EPHA2: variants seen among roughly 807,000 people sequenced by gnomAD.
EPHA2 encodes the protein ephrin type-A receptor 2.
A neutral mutation model predicts 104.9 loss-of-function variants in EPHA2; 54 were observed. The observed-to-expected ratio is 0.51, with a 90% CI of 0.41 to 0.65. EPHA2 has a LOEUF of 0.65. EPHA2 is among the 30% of genes least tolerant of loss of function. The probability of loss-of-function intolerance (pLI) is 0.00; values close to 1 mark genes in which losing one functional copy is unlikely to be tolerated. For missense variants in EPHA2, 1,117 were observed against 1,369.5 expected (o/e 0.82, Z 2.91); for synonymous variants, 560 against 559.1 (o/e 1.00, Z -0.02).
chr1:16,137,862 T>A lies in EPHA2; in HGVS notation c.1303A>T (p.Asn435Tyr). 6.2e-7 allele frequency: 1 copy of A among 1,613,776 alleles called. No individual in the cohort carries two copies. Among genetic ancestry groups the A allele is most frequent in the African/African-American group, 1.3e-5 (1 of 75,072 alleles). ...RSFRTASVSI[N>Y]QTEPPKVRLE... ...CACCCCTGGACCTCACCTGTCTGGT[T>A]GATGCTGACACTGGCAGTACGGAAG... The change falls in exon 5 of 17, where the codon AAC (asparagine) becomes TAC (tyrosine). Residue 435 changes from asparagine to tyrosine, a missense_variant. Physicochemically the swap from Asn to Tyr is moderately radical, Grantham distance 143. Coordinates refer to ENST00000358432, the MANE Select transcript of EPHA2 (RefSeq NM_004431.5).
At position 16,150,343 on chromosome 1, in the gene EPHA2, C is replaced by T. The variant is rs1028586439; in HGVS notation, c.153+553G>A. Among the ~76,000 whole-genome samples, 1 of 152,200 alleles carries T rather than the reference C, an allele frequency of 6.6e-6. No individual in the cohort carries two copies. The highest frequency in any genetic ancestry group is 1.5e-5 in the Non-Finnish European group (1 of 68,030). On this transcript the variant is annotated intron_variant, in intron 2 of 16. Coordinates refer to ENST00000358432, the MANE Select transcript of EPHA2 (RefSeq NM_004431.5). The surrounding 1 kb of genome is among the most constrained non-coding windows in gnomAD (Gnocchi z 4.8). ...GGGAAGAACCCCCAGCCCCTGCCCC[C>T]ATTCCTGGTCACATCAGGACGGCAT...
intron 3 of EPHA2, among the ~76,000 whole-genome samples, chr1:16,143,684 G>A (rs2024870343): frequency 6.6e-6 from 1 of 152,150 alleles, no homozygotes; most frequent in Non-Finnish European, 1.5e-5. Context: ...CAATGGCAAG[G>A]TTGTGAGGTC....
intron 1 of EPHA2, chr1:16,155,420 G>T (rs1423189328): frequency 2.0e-5 from 3 of 150,576 alleles, no homozygotes; most frequent in Admixed American, 1.3e-4. Context: ...CAAAATGCGA[G>T]GCCTGCACAG....
chr1:16,146,359 C>G (rs966085397), intron 3 of EPHA2: 1 of 152,182 alleles, frequency 6.6e-6, no homozygotes, highest in African/African-American at 2.4e-5. Context: ...GGGAAGGCTG[C>G]CCCGCTTCCT....
In EPHA2 at chr1:16,138,170, G is replaced by A; in HGVS notation, c.995C>T (p.Pro332Leu). ...CATGCCCACGGCTGTGAGGTAGTGT[G>A]GGGCGGAGGGGGGTCCTGCACAGAC... ...SMPCTRPPSAPHYLTAVGMGA... is the reference protein window; with the variant it reads ...SMPCTRPPSALHYLTAVGMGA... Residue 332 changes from proline (P) to leucine (L), a missense_variant, in exon 5 of 17, where the codon CCA (proline) becomes CTA (leucine). This residue lies in a region of EPHA2 where 664 missense variants were observed against 784.8 expected (regional missense o/e 0.85). Coordinates refer to ENST00000358432, the MANE Select transcript of EPHA2 (RefSeq NM_004431.5). 6.2e-7 allele frequency: 1 copy of A among 1,609,242 alleles called. No individual in the cohort carries two copies. Among genetic ancestry groups the A allele is most frequent in the Non-Finnish European group, 8.5e-7 (1 of 1,179,892 alleles).
intron 5 of EPHA2, among the ~76,000 whole-genome samples, chr1:16,137,060 A>G (rs2024726091): frequency 6.6e-6 from 1 of 151,890 alleles, no homozygotes; most frequent in East Asian, 2.0e-4. Context: ...TCAGCCTCCC[A>G]AAGTGCTGGG....
chr1:16,146,548 T>C (rs1437041499), intron 3 of EPHA2: 2 of 152,304 alleles, frequency 1.3e-5, no homozygotes, highest in Non-Finnish European at 2.9e-5. Context: ...ACCGCACTCA[T>C]TGTCTGAAAC....
chr1:16,152,554 C>G (rs1259303560), intron 1 of EPHA2, among the ~76,000 whole-genome samples: 1 of 152,070 alleles, frequency 6.6e-6, no homozygotes, highest in Non-Finnish European at 1.5e-5. Context: ...TGCCCAGGGC[C>G]GGGGCTTTGA....
In EPHA2 at chr1:16,148,892, A is replaced by G; in HGVS notation, c.309T>C (p.Arg103=). The G allele has an allele frequency of 6.2e-7, 1 of 1,614,148 alleles. No individual in the cohort carries two copies. Among genetic ancestry groups the G allele is most frequent in the Non-Finnish European group, 8.5e-7 (1 of 1,180,044 alleles). The change falls in exon 3 of 17, where the codon CGT becomes CGC. Residue 103 remains arginine (R), a synonymous_variant. Transcript: ENST00000358432. The surrounding 1 kb of genome is among the most constrained non-coding windows in gnomAD (Gnocchi z 4.9). The part of the protein sequence containing the change: ...RIFIELKFTV[R]DCNSFPGGAS... Reference sequence around the variant, plus strand: ...CGCCACCAGGGAAGCTGTTGCAGTCACGTACAGTAAACTTGAGCTCAATGA... The same window carrying G: ...CGCCACCAGGGAAGCTGTTGCAGTCGCGTACAGTAAACTTGAGCTCAATGA...
intron 3 of EPHA2, among the ~76,000 whole-genome samples, chr1:16,147,423 G>A (rs567175810): frequency 4.6e-5 from 7 of 152,010 alleles, no homozygotes; most frequent in South Asian, 2.1e-4. Flanking sequence ...TGTGCACCCC[G>A]GGTCCAACTC....
chr1:16,136,704 AGAAGAAGAAAAG>A (rs2024703446), intron 5 of EPHA2, among the ~76,000 whole-genome samples: 1 of 101,122 alleles, frequency 9.9e-6, no homozygotes, highest in Non-Finnish European at 1.7e-5. Context: ...AAGAAGAAGA[AGAAGAAGAAAAG>A]AAGAAGAAGA....
rs550639263 is a variant in EPHA2, at chr1:16,124,975, C to T, written c.*240G>A. ...CTGCTCCAGGGATGCTGGGACGTGG[C>T]GGTGCCTGCTAAGTGCTCAGCTGTG... On this transcript the variant is annotated 3_prime_UTR_variant, in exon 17 of 17. Transcript: ENST00000358432. The T allele has an allele frequency of 6.8e-5, 37 of 541,142 alleles. No homozygotes were observed. In the South Asian group the frequency reaches 7.1e-4, roughly 10 times the overall value. 33.5% of individuals were successfully genotyped at this position (541,142 alleles called of 1,614,324 possible).
At chr1:16,151,062 G>A (rs1035084773) in intron 1 of EPHA2, 99 bp from the exon 2 acceptor site, 9 of 1,201,192 alleles carry the variant, frequency 7.5e-6, no homozygotes, top group South Asian at 1.2e-5. Context: ...CCAACTCTCA[G>A]ACAGAGCGAG....
In EPHA2 at chr1:16,125,296, C is replaced by T. The variant is rs756730636; in HGVS notation, c.2850G>A (p.Arg950=). The T allele has an allele frequency of 3.8e-5, 61 of 1,613,480 alleles. No homozygotes were observed. The East Asian group carries it at 1.3e-3, about 35-fold the overall frequency. Residue 950 remains arginine (R), a synonymous_variant, in exon 17 of 17, where the codon CGG becomes CGA. Transcript: ENST00000358432. This position sits in a 1 kb window ranked among gnomAD's most constrained non-coding sequence, Gnocchi z 4.9. Reference sequence around the variant, plus strand: ...CGATGCGCTTCTGGTGGCCGGGCAGCCGCACCCCAATCCTCTTGATGTCGC... The same window carrying T: ...CGATGCGCTTCTGGTGGCCGGGCAGTCGCACCCCAATCCTCTTGATGTCGC... ...TNDDIKRIGV[R]LPGHQKRIAY...
At position 16,148,868 on chromosome 1, in the gene EPHA2, G is replaced by A. The variant is rs756451040; in HGVS notation, c.333C>T (p.Gly111=). ...TGAAAGTCTCCTTGCAGGAGCTGGC[G>A]CCACCAGGGAAGCTGTTGCAGTCAC... ...TVRDCNSFPG[G]ASSCKETFNL... is the part of the protein sequence containing the mutation. Residue 111 remains glycine, a synonymous_variant, in exon 3 of 17, where the codon GGC becomes GGT. Transcript: ENST00000358432. The surrounding 1 kb of genome is among the most constrained non-coding windows in gnomAD (Gnocchi z 4.9). The A allele has an allele frequency of 1.2e-5, 19 of 1,614,060 alleles. No individual in the cohort carries two copies. Among genetic ancestry groups the A allele is most frequent in the Middle Eastern group, 1.6e-4 (1 of 6,084 alleles).
Position 16,134,015 on chromosome 1 carries a change from G to A in EPHA2, c.1683-100C>T, listed in dbSNP as rs2024632384. ...CTACTTTGGTCCTAGGAGGACCTGGGGTGCTCAGAATGCGGCCCAGTCCCC... is the reference window on the plus strand; with the variant it reads ...CTACTTTGGTCCTAGGAGGACCTGGAGTGCTCAGAATGCGGCCCAGTCCCC... On this transcript the variant is annotated intron_variant, in intron 8 of 16. Coordinates refer to ENST00000358432, the MANE Select transcript of EPHA2 (RefSeq NM_004431.5). The surrounding 1 kb of genome is among the most constrained non-coding windows in gnomAD (Gnocchi z 4.5). 5.5e-6 allele frequency: 7 copies of A among 1,270,700 alleles called. No homozygotes were observed. Among genetic ancestry groups the A allele is most frequent in the Non-Finnish European group, 7.6e-6 (7 of 923,802 alleles). The allele number at this position is 1,270,700 out of a possible 1,614,324, so 78.7% of individuals were successfully genotyped here.
intron 3 of EPHA2, among the ~76,000 whole-genome samples, chr1:16,145,277 C>T (rs1208023006): frequency 1.3e-5 from 2 of 152,200 alleles, no homozygotes; most frequent in East Asian, 1.9e-4. Flanking sequence ...CAGGCAGGGC[C>T]GGGGGCAGGG....
chr1:16,137,178 A>G (rs2024728229), intron 5 of EPHA2, among the ~76,000 whole-genome samples: 5 of 152,180 alleles, frequency 3.3e-5, no homozygotes, highest in Admixed American at 2.0e-4. Flanking sequence ...CCACAGTCAC[A>G]GAGCTCAGAA....
Position 16,131,647 on chromosome 1 carries a change from G to T in EPHA2, c.2475+74C>A. ...GTTCATCTAAACTGTCCTCTGCCCA[G>T]CCCCTGCAGTTTGAGATGAGTAAAG... On this transcript the variant is annotated intron_variant, in intron 14 of 16. Transcript: ENST00000358432. The surrounding 1 kb of genome is among the most constrained non-coding windows in gnomAD (Gnocchi z 5.2). 1 of 1,596,152 alleles carries T rather than the reference G, an allele frequency of 6.3e-7. No homozygotes were observed. The highest frequency in any genetic ancestry group is 1.1e-5 in the South Asian group (1 of 90,690).
Sources: gnomAD v4.1 joint callset for allele counts (sites outside exome capture counted in the v4.1 genomes callset) on GRCh38, gnomAD v4.1.1 for gene constraint, gnomAD v4.1.1 regional missense constraint, Gnocchi (gnomAD v3.1) non-coding constraint, MANE v1.5 for transcripts, NCBI Gene and HGNC (gene_info 2026-07-23, HGNC 2026-07-21) for gene names.